The following FOXN3 variants were observed in gnomAD, a reference collection of about 807,000 sequenced individuals.
FOXN3 encodes forkhead box protein N3.
Under a neutral mutation model 38.4 loss-of-function variants are expected in FOXN3, and 7 were observed. The ratio of observed to expected loss-of-function variants is 0.18; its 90% CI spans 0.10 to 0.34. The LOEUF (loss-of-function observed/expected upper bound fraction) is 0.34. Ranked by LOEUF, FOXN3 falls within the 10% of genes least tolerant of loss-of-function variation. The pLI, the probability that FOXN3 is intolerant of heterozygous loss-of-function variation, is 1.00. For synonymous variants in FOXN3, 230 were observed against 242.2 expected (o/e 0.95, Z 0.47); for missense variants, 456 against 613.4 (o/e 0.74, Z 2.71).
intron 3 of FOXN3, among the ~76,000 whole-genome samples, chr14:89,310,963 G>A (rs952479026): frequency 4.6e-5 from 7 of 151,598 alleles, no homozygotes; most frequent in Admixed American, 1.3e-4. Context: ...AAAATTAGCC[G>A]GGCGTGGCAG....
At chr14:89,454,299 G>A (rs531911706) in intron 1 of FOXN3, among the ~76,000 whole-genome samples, 20 of 152,120 alleles carry the variant, frequency 1.3e-4, no homozygotes, top group South Asian at 2.1e-4. Context: ...GTGAGACTCC[G>A]TCTCAAAAAA....
chr14:89,317,796 G>A (rs1887766881), intron 3 of FOXN3, among the ~76,000 whole-genome samples: 2 of 151,708 alleles, frequency 1.3e-5, no homozygotes, highest in Admixed American at 1.3e-4. Context: ...GGAGGTGAGC[G>A]GCAGGCGAGC....
chr14:89,428,825 C>G (rs561687525), intron 1 of FOXN3, among the ~76,000 whole-genome samples: 3 of 152,348 alleles, frequency 2.0e-5, no homozygotes, highest in Admixed American at 6.5e-5. Context: ...CAGAGGCTAC[C>G]TGAGGACCAA....
intron 3 of FOXN3, among the ~76,000 whole-genome samples, chr14:89,313,582 G>C (rs911203131): frequency 8.6e-5 from 7 of 81,692 alleles, no homozygotes; most frequent in African/African-American, 3.7e-4. Context: ...GAATTGACAA[G>C]AGACGAAGTC....
intron 3 of FOXN3, among the ~76,000 whole-genome samples, chr14:89,305,047 A>T (rs912863576): frequency 6.6e-6 from 1 of 152,060 alleles, no homozygotes; most frequent in Non-Finnish European, 1.5e-5. Flanking sequence ...TGCTTATGAA[A>T]TGAGAATTCA....
chr14:89,189,305 C>A (rs1887885938), intron 4 of FOXN3, among the ~76,000 whole-genome samples: 3 of 152,174 alleles, frequency 2.0e-5, no homozygotes. Context: ...AGCATCCACT[C>A]CAAAGGCAGG....
intron 4 of FOXN3, among the ~76,000 whole-genome samples, chr14:89,271,485 TAAGGA>T (rs1886149674): frequency 6.6e-6 from 1 of 152,206 alleles, no homozygotes; most frequent in African/African-American, 2.4e-5. Context: ...AAAAATTAAA[TAAGGA>T]AAGATTCCTA....
Position 89,368,475 on chromosome 14 carries a change from T to C in FOXN3, c.544-17667A>G, listed in dbSNP as rs138505711. On this transcript the variant is annotated intron_variant, in intron 2 of 5. Transcript: ENST00000557258. ...CTGGGCAACATAGTGAAACCCAATC[T>C]CTAGAAAAAATGCGAAAAAATTAGC... is the stretch of plus-strand genomic sequence containing the variant. Among the ~76,000 whole-genome samples, 581 of 150,400 alleles carry C rather than the reference T, an allele frequency of 3.9e-3. 3 individuals carry two copies. Among genetic ancestry groups the C allele is most frequent in the African/African-American group, 0.014 (555 of 40,760 alleles).
intron 1 of FOXN3, among the ~76,000 whole-genome samples, chr14:89,597,742 G>A (rs373389335): frequency 1.2e-4 from 19 of 152,018 alleles, no homozygotes; most frequent in African/African-American, 4.6e-4. Flanking sequence ...TCTTTCTTTG[G>A]GTTAGCTATA....
intron 1 of FOXN3, among the ~76,000 whole-genome samples, chr14:89,439,710 C>T (rs1254872533): frequency 1.4e-5 from 2 of 146,418 alleles, no homozygotes; most frequent in Non-Finnish European, 3.0e-5. Context: ...GGCTAGAGTG[C>T]AGTGGTGTGA....
At chr14:89,456,001 C>T (rs1892715043) in intron 1 of FOXN3, among the ~76,000 whole-genome samples, 2 of 151,790 alleles carry the variant, frequency 1.3e-5, no homozygotes. Context: ...TGAGACCAGC[C>T]TGACCAACAT....
chr14:89,300,639 C>G (rs1887191190), intron 3 of FOXN3, among the ~76,000 whole-genome samples: 1 of 152,186 alleles, frequency 6.6e-6, no homozygotes, highest in Non-Finnish European at 1.5e-5. Context: ...CTAGTCCCAT[C>G]CCATAGTCCA....
chr14:89,275,326 G>A (rs1007074611), intron 4 of FOXN3, among the ~76,000 whole-genome samples: 1 of 152,160 alleles, frequency 6.6e-6, no homozygotes, highest in African/African-American at 2.4e-5. Flanking sequence ...TCTCCACTGA[G>A]CCAGAACTAA....
intron 4 of FOXN3, among the ~76,000 whole-genome samples, chr14:89,256,754 C>T (rs1000190475): frequency 3.9e-5 from 6 of 152,168 alleles, no homozygotes; most frequent in African/African-American, 1.4e-4. Flanking sequence ...TATCATTCCA[C>T]TGCAAAGCTG....
intron 3 of FOXN3, chr14:89,290,573 A>T: frequency 3.6e-6 from 2 of 556,430 alleles, no homozygotes; most frequent in South Asian, 2.9e-5. Flanking sequence ...GTTTCAGCTC[A>T]GTCTCTGAAA....
intron 4 of FOXN3, among the ~76,000 whole-genome samples, chr14:89,185,056 G>A (rs867519290): frequency 2.6e-5 from 4 of 152,192 alleles, no homozygotes; most frequent in African/African-American, 9.7e-5. Context: ...GCTATTTCCT[G>A]AACCTCACAA....
At chr14:89,617,537 T>G (rs978354627) in intron 1 of FOXN3, among the ~76,000 whole-genome samples, 1 of 152,266 alleles carries the variant, frequency 6.6e-6, no homozygotes, top group Non-Finnish European at 1.5e-5. Flanking sequence ...TAAGCATCCA[T>G]CTACTGATGG....
chr14:89,562,678 T>C (rs1207457209), intron 1 of FOXN3, among the ~76,000 whole-genome samples: 2 of 152,202 alleles, frequency 1.3e-5, no homozygotes, highest in African/African-American at 4.8e-5. Context: ...AAAGGGTTAT[T>C]ACAAGGACAT....
intron 5 of FOXN3, among the ~76,000 whole-genome samples, chr14:89,171,644 TTA>T (rs1269249090): frequency 6.6e-6 from 1 of 152,210 alleles, no homozygotes; most frequent in African/African-American, 2.4e-5. Context: ...AAGAAAAATT[TTA>T]TAGTTATCTT....
Sources: gnomAD v4.1 joint callset for allele counts (sites outside exome capture counted in the v4.1 genomes callset) on GRCh38, gnomAD v4.1.1 for gene constraint, MANE v1.5 for transcripts, NCBI Gene and HGNC (gene_info 2026-07-23, HGNC 2026-07-21) for gene names.